KIF26B: variants seen among roughly 807,000 people sequenced by gnomAD.
The protein encoded by KIF26B is kinesin family member 26B, also known as kinesin-like protein KIF26B.
In KIF26B, 63 loss-of-function variants were observed where a neutral mutation model predicts 151.2. The ratio of observed to expected loss-of-function variants is 0.42; its 90% CI spans 0.34 to 0.51. KIF26B has a LOEUF of 0.51. Among genes scored for constraint, KIF26B ranks in the 20% least tolerant of loss-of-function variants. The pLI, the probability that KIF26B is intolerant of heterozygous loss-of-function variation, is 0.07. For missense variants in KIF26B, 2,813 were observed against 2,913.6 expected (o/e 0.97, Z 0.79); for synonymous variants, 1,357 against 1,262.1 (o/e 1.08, Z -1.59).
chr1:245,357,281 A>T (rs1387915160), intron 2 of KIF26B, among the ~76,000 whole-genome samples: 1 of 152,226 alleles, frequency 6.6e-6, no homozygotes, highest in East Asian at 1.9e-4. Flanking sequence ...CCAGGTGGGT[A>T]AGAGTAGAAG....
At position 245,610,064 on chromosome 1, in the gene KIF26B, C is replaced by T. The variant is rs942375020; in HGVS notation, c.1914+536C>T. On this transcript the variant is annotated intron_variant, in intron 8 of 14. Coordinates refer to ENST00000407071, the MANE Select transcript of KIF26B (RefSeq NM_018012.4). ...GATGCTAAGCCTGTTGGGAGGGTCT[C>T]TCCTTTGCTGTTTGACAACAGATGT... Among the ~76,000 whole-genome samples, 4 of 152,324 alleles carry T rather than the reference C, an allele frequency of 2.6e-5. No individual in the cohort carries two copies. In the East Asian group the frequency reaches 5.8e-4, roughly 22 times the overall value.
intron 10 of KIF26B, among the ~76,000 whole-genome samples, chr1:245,668,050 C>T (rs1366441444): frequency 6.6e-6 from 1 of 152,168 alleles, no homozygotes; most frequent in Non-Finnish European, 1.5e-5. Flanking sequence ...CACACGCCAC[C>T]ACGCTTGGCT....
chr1:245,388,464 C>T (rs1257138258), intron 3 of KIF26B, among the ~76,000 whole-genome samples: 2 of 152,158 alleles, frequency 1.3e-5, no homozygotes, highest in African/African-American at 2.4e-5. Flanking sequence ...GGCCAGATTT[C>T]CTCTTTCTTT....
intron 2 of KIF26B, among the ~76,000 whole-genome samples, chr1:245,160,745 A>G (rs1668517937): frequency 6.6e-6 from 1 of 152,320 alleles, no homozygotes; most frequent in South Asian, 2.1e-4. Flanking sequence ...TATCAGGAAG[A>G]TTAGCCAGAC....
intron 10 of KIF26B, among the ~76,000 whole-genome samples, chr1:245,647,152 G>A (rs965575834): frequency 2.6e-5 from 4 of 152,168 alleles, no homozygotes; most frequent in Admixed American, 1.3e-4. Context: ...TAGGCTGGGT[G>A]CGGTGGCTCA....
chr1:245,652,134 GT>G (rs879272200), intron 10 of KIF26B, among the ~76,000 whole-genome samples: 1,841 of 140,986 alleles, frequency 0.013, 19 homozygotes, highest in Admixed American at 0.019. Context: ...GTGTGTGTGT[GT>G]GTGTGTGTGT....
At chr1:245,335,997 G>T (rs1672221099) in intron 2 of KIF26B, among the ~76,000 whole-genome samples, 1 of 132,918 alleles carries the variant, frequency 7.5e-6, no homozygotes, top group Non-Finnish European at 1.6e-5. Context: ...CCCACGCAGG[G>T]AAAGGAGAGT....
intron 2 of KIF26B, among the ~76,000 whole-genome samples, chr1:245,363,874 G>T (rs907468892): frequency 6.6e-6 from 1 of 152,208 alleles, no homozygotes; most frequent in African/African-American, 2.4e-5. Context: ...GGCTCTGTTG[G>T]TGCTCGCTGG....
chr1:245,322,291 T>C (rs1443958869), intron 2 of KIF26B, among the ~76,000 whole-genome samples: 1 of 152,118 alleles, frequency 6.6e-6, no homozygotes, highest in South Asian at 2.1e-4. Context: ...AAAACCTAGA[T>C]GACGGGTTGA....
intron 4 of KIF26B, among the ~76,000 whole-genome samples, chr1:245,522,380 C>T (rs560771436): frequency 6.8e-4 from 104 of 152,320 alleles, no homozygotes; most frequent in South Asian, 1.2e-3. Context: ...ATTGATTTTG[C>T]GCACATGCTC....
intron 4 of KIF26B, among the ~76,000 whole-genome samples, chr1:245,506,433 A>G (rs146842699): frequency 2.6e-5 from 4 of 152,316 alleles, no homozygotes; most frequent in African/African-American, 9.6e-5. Flanking sequence ...CTATCTGCCC[A>G]ATAAACCAGA....
At chr1:245,177,466 A>G (rs1215992290) in intron 2 of KIF26B, among the ~76,000 whole-genome samples, 1 of 152,162 alleles carries the variant, frequency 6.6e-6, no homozygotes, top group East Asian at 1.9e-4. Flanking sequence ...GGGGGCATTT[A>G]CGGTGGCAGT....
chr1:245,646,428 T>G (rs2043947949), intron 10 of KIF26B, 148 bp downstream of exon 10: 2 of 767,060 alleles, frequency 2.6e-6, no homozygotes, highest in Non-Finnish European at 4.0e-6. Flanking sequence ...TAGCTAACAG[T>G]TGTGTAATGC....
intron 4 of KIF26B, among the ~76,000 whole-genome samples, chr1:245,483,175 G>C (rs936385388): frequency 2.0e-5 from 3 of 151,794 alleles, no homozygotes; most frequent in Non-Finnish European, 4.4e-5. Flanking sequence ...TGGAATCCAA[G>C]AGCCTGGTGA....
chr1:245,325,067 C>A (rs565624222), intron 2 of KIF26B, among the ~76,000 whole-genome samples: 1 of 147,094 alleles, frequency 6.8e-6, no homozygotes, highest in East Asian at 2.0e-4. Flanking sequence ...TGCACTCCAG[C>A]CTGGACGACA....
chr1:245,576,641 G>A (rs1253922389), intron 5 of KIF26B, among the ~76,000 whole-genome samples: 2 of 152,180 alleles, frequency 1.3e-5, no homozygotes, highest in Non-Finnish European at 2.9e-5. Context: ...TCTGCTTCAT[G>A]ACATTGATTA....
chr1:245,593,374 A>C (rs1219314544), intron 5 of KIF26B, among the ~76,000 whole-genome samples: 1 of 151,294 alleles, frequency 6.6e-6, no homozygotes, highest in African/African-American at 2.4e-5. Flanking sequence ...CCCTGTGTCC[A>C]TGTATTCTCA....
At position 245,704,306 on chromosome 1, in the gene KIF26B, A is replaced by G. The variant is rs1264930850; in HGVS notation, c.*1700A>G. 3 of 152,292 alleles carry G rather than the reference A, an allele frequency of 2.0e-5. No individual in the cohort carries two copies. Among genetic ancestry groups the G allele is most frequent in the African/African-American group, 7.2e-5 (3 of 41,476 alleles). The allele number at this position is 152,292 out of a possible 1,614,324, so 9.4% of individuals were successfully genotyped here. On this transcript the variant is annotated 3_prime_UTR_variant, in exon 15 of 15. Coordinates refer to ENST00000407071, the MANE Select transcript of KIF26B (RefSeq NM_018012.4). ...CCCCAGCCACTCCCCAAGCGGGGAAAAAAACACTACGTTTCTTGGTCAGTG... is the reference window on the plus strand; with the variant it reads ...CCCCAGCCACTCCCCAAGCGGGGAAGAAAACACTACGTTTCTTGGTCAGTG...
At chr1:245,232,147 A>G (rs1670011626) in intron 2 of KIF26B, among the ~76,000 whole-genome samples, 1 of 152,378 alleles carries the variant, frequency 6.6e-6, no homozygotes, top group East Asian at 1.9e-4. Flanking sequence ...TAATAAAACA[A>G]TGGAGCTAGA....
Sources: gnomAD v4.1 joint callset for allele counts (sites outside exome capture counted in the v4.1 genomes callset) on GRCh38, gnomAD v4.1.1 for gene constraint, MANE v1.5 for transcripts, NCBI Gene and HGNC (gene_info 2026-07-23, HGNC 2026-07-21) for gene names.